ASPRV1: variants seen among roughly 807,000 people sequenced by gnomAD.
ASPRV1 encodes aspartic peptidase retroviral like 1, also known as retroviral-like aspartic protease 1.
In ASPRV1, 7 loss-of-function variants were observed where a neutral mutation model predicts 11.0. That is an observed-to-expected ratio of 0.64 (90% CI 0.36 to 1.20). The LOEUF is 1.20. Ranked by LOEUF, ASPRV1 falls within the 50% of genes most tolerant of loss-of-function variation. ASPRV1 has a pLI of 0.02. For missense variants in ASPRV1, 299 were observed against 320.0 expected, an observed-to-expected ratio of 0.93 and a Z score of 0.50; for synonymous variants, 136 against 138.4, an observed-to-expected ratio of 0.98 and a Z score of 0.12.
At chr2:70,085,254 G>T in the ASPRV1 span, among the ~76,000 whole-genome samples, 1 of 152,186 alleles carries the variant, frequency 6.6e-6, no homozygotes, top group Non-Finnish European at 1.5e-5. Context: ...AGGCTCAAAT[G>T]TGCCACAGAC....
At position 69,961,360 on chromosome 2, in the gene ASPRV1, T is replaced by C. The variant is rs772329928; in HGVS notation, c.77A>G (p.Asn26Ser). 1.4e-5 allele frequency: 22 copies of C among 1,614,028 alleles called. No individual in the cohort carries two copies. Among genetic ancestry groups the C allele is most frequent in the East Asian group, 4.5e-5 (2 of 44,890 alleles). The part of the protein sequence containing the change: ...AFVPEPFDGA[N>S]VVPNLWLHSF... ...GTGCAGCCAGAGGTTTGGGACGACA[T>C]TGGCCCCATCAAAAGGTTCCGGGAC... The change falls in exon 1 of 1, where the codon AAT becomes AGT. Residue 26 changes from asparagine (N) to serine (S), a missense_variant. Coordinates refer to ENST00000320256, the MANE Select transcript of ASPRV1 (RefSeq NM_152792.4).
At chr2:69,982,057 ATCC>A in the ASPRV1 span, among the ~76,000 whole-genome samples, 1 of 150,266 alleles carries the variant, frequency 6.7e-6, no homozygotes, top group Non-Finnish European at 1.5e-5. Flanking sequence ...CCATCCATCC[ATCC>A]ATCCATCCAT....
the ASPRV1 span, among the ~76,000 whole-genome samples, chr2:70,084,700 A>C: frequency 6.6e-6 from 1 of 152,216 alleles, no homozygotes. Context: ...TTTTGCAAAA[A>C]TTTTGTTACA....
At chr2:70,061,582 G>A in the ASPRV1 span, among the ~76,000 whole-genome samples, 14 of 152,124 alleles carry the variant, frequency 9.2e-5, no homozygotes, top group Non-Finnish European at 1.3e-4. Flanking sequence ...CCTGGGATGA[G>A]ACTTGAGAAA....
At chr2:69,963,277 GAGA>G (rs1558582401), upstream of ASPRV1, 2 of 456,570 alleles carry the variant, frequency 4.4e-6, no homozygotes, top group Admixed American at 4.7e-5. Flanking sequence ...TGGAGTCACC[GAGA>G]AGGTGTTGAG....
chr2:70,057,319 C>A, the ASPRV1 span, among the ~76,000 whole-genome samples: 1 of 152,084 alleles, frequency 6.6e-6, no homozygotes, highest in African/African-American at 2.4e-5. Flanking sequence ...AGTTTCTCCT[C>A]TTTTTACATA....
the ASPRV1 span, among the ~76,000 whole-genome samples, chr2:70,035,922 A>G: frequency 6.6e-6 from 1 of 151,900 alleles, no homozygotes; most frequent in South Asian, 2.1e-4. Flanking sequence ...GTCTAAGTCA[A>G]TATGCTTTTA....
At chr2:69,940,191 C>G in the ASPRV1 span, 1 of 150,644 alleles carries the variant, frequency 6.6e-6, no homozygotes, top group South Asian at 2.1e-4. Flanking sequence ...TTCCAATAAC[C>G]AGCTAAAGAT....
At chr2:69,938,376 T>A in the ASPRV1 span, 1 of 1,353,124 alleles carries the variant, frequency 7.4e-7, no homozygotes, top group Non-Finnish European at 1.0e-6. Flanking sequence ...CCCTTGCACG[T>A]AAACTTCAGT....
the ASPRV1 span, among the ~76,000 whole-genome samples, chr2:70,085,354 T>A: frequency 6.6e-6 from 1 of 152,148 alleles, no homozygotes; most frequent in South Asian, 2.1e-4. Context: ...AGACAGCATT[T>A]CAGCCCGCCC....
chr2:69,974,881 C>G, the ASPRV1 span, among the ~76,000 whole-genome samples: 1 of 152,190 alleles, frequency 6.6e-6, no homozygotes, highest in East Asian at 1.9e-4. Context: ...AACCGTAAGG[C>G]TAGGCTGTTC....
the ASPRV1 span, among the ~76,000 whole-genome samples, chr2:70,024,441 G>C: frequency 1.3e-5 from 2 of 152,156 alleles, no homozygotes; most frequent in African/African-American, 4.8e-5. Context: ...GAGATGCTGA[G>C]AGAACAGAGA....
chr2:70,053,863 A>G, the ASPRV1 span: 2 of 152,218 alleles, frequency 1.3e-5, no homozygotes, highest in African/African-American at 4.8e-5. Flanking sequence ...AAGTAATCAC[A>G]CTTCTTCAGC....
At chr2:70,061,932 C>T in the ASPRV1 span, among the ~76,000 whole-genome samples, 2 of 149,376 alleles carry the variant, frequency 1.3e-5, no homozygotes, top group South Asian at 4.2e-4. Flanking sequence ...CATTGCACTG[C>T]AGCCTGGGTG....
chr2:70,032,986 C>G, the ASPRV1 span, among the ~76,000 whole-genome samples: 2 of 152,118 alleles, frequency 1.3e-5, no homozygotes, highest in Admixed American at 1.3e-4. Flanking sequence ...ATGAGTTACA[C>G]AGCACTACAG....
chr2:70,048,345 G>A, the ASPRV1 span, among the ~76,000 whole-genome samples: 2,679 of 151,400 alleles, frequency 0.018, 99 homozygotes, highest in African/African-American at 0.061. Context: ...AACCCAGGAA[G>A]CAAAGGTTGC....
At chr2:70,045,035 C>A in the ASPRV1 span, among the ~76,000 whole-genome samples, 2 of 152,070 alleles carry the variant, frequency 1.3e-5, no homozygotes, top group African/African-American at 4.8e-5. Context: ...TGGTATCTTT[C>A]CCACATATGT....
chr2:69,947,833 T>C, the ASPRV1 span, among the ~76,000 whole-genome samples: 1 of 152,044 alleles, frequency 6.6e-6, no homozygotes, highest in Non-Finnish European at 1.5e-5. Flanking sequence ...GGGCTGGAAA[T>C]AATCCCTCCT....
chr2:70,037,021 A>C, the ASPRV1 span, among the ~76,000 whole-genome samples: 110 of 152,294 alleles, frequency 7.2e-4, no homozygotes, highest in African/African-American at 2.4e-3. Flanking sequence ...AAAGGTGCCA[A>C]ATCTAGGGAG....
Sources: allele counts gnomAD v4.1 joint callset (sites outside exome capture counted in the v4.1 genomes callset), GRCh38; gene constraint gnomAD v4.1.1; transcripts MANE v1.5; gene names NCBI Gene and HGNC (gene_info 2026-07-23, HGNC 2026-07-21).